The following ETV6 variants were observed in gnomAD, a reference collection of about 807,000 sequenced individuals.
The protein encoded by ETV6 is transcription factor ETV6.
A neutral mutation model predicts 51.1 loss-of-function variants in ETV6; 16 were observed. That is an observed-to-expected ratio of 0.31 (90% CI 0.21 to 0.48). The LOEUF is 0.48. ETV6 is among the 20% of genes least tolerant of loss of function. The pLI is 0.99. For missense variants in ETV6, 458 were observed against 594.8 expected, an observed-to-expected ratio of 0.77 and a Z score of 2.39; for synonymous variants, 240 against 224.1, an observed-to-expected ratio of 1.07 and a Z score of -0.64.
rs191562060 is a variant in ETV6 at position 11,770,005 on chromosome 12, C to T, written c.163+17426C>T. Among the ~76,000 whole-genome samples the T allele has an allele frequency of 8.4e-4, 128 of 152,164 alleles. 1 individual carries two copies. The highest frequency in any genetic ancestry group is 3.0e-3 in the African/African-American group (125 of 41,520). On this transcript the variant is annotated intron_variant, in intron 2 of 7. Transcript: ENST00000396373. Reference sequence around the variant, plus strand: ...AGTCACAGGCTGAACAGGCTGTCACCGGGGCAAGATGACTGACAGGTGGAT... The same window carrying T: ...AGTCACAGGCTGAACAGGCTGTCACTGGGGCAAGATGACTGACAGGTGGAT...
rs779460883 is a variant in ETV6, at chr12:11,886,880, C to T, written c.1253+854C>T. 5.4e-4 allele frequency among the ~76,000 whole-genome samples: 82 copies of T among 152,170 alleles called. 2 individuals are homozygous for T. The highest frequency in any genetic ancestry group is 4.1e-3 in the Admixed American group (63 of 15,280). On this transcript the variant is annotated intron_variant, in intron 7 of 7. Transcript: ENST00000396373. Reference sequence around the variant, plus strand: ...TTGGTAGAAGTGAGATCAACAAACACAACCTTGGGTGATGAGTTTTGGCAG... The same window carrying T: ...TTGGTAGAAGTGAGATCAACAAACATAACCTTGGGTGATGAGTTTTGGCAG...
intron 2 of ETV6, among the ~76,000 whole-genome samples, chr12:11,810,134 A>G (rs1247515981): frequency 2.6e-5 from 4 of 152,074 alleles, no homozygotes; most frequent in Non-Finnish European, 5.9e-5. Flanking sequence ...GGAGCATTTT[A>G]CTTGAGACCT....
At chr12:11,830,265 T>C (rs1198547314) in intron 2 of ETV6, among the ~76,000 whole-genome samples, 1 of 152,190 alleles carries the variant, frequency 6.6e-6, no homozygotes, top group Admixed American at 6.5e-5. Context: ...GGTTTATTAT[T>C]CCTCATTCCC....
At chr12:11,737,740 T>C (rs1865731145) in intron 1 of ETV6, among the ~76,000 whole-genome samples, 1 of 152,202 alleles carries the variant, frequency 6.6e-6, no homozygotes, top group African/African-American at 2.4e-5. Flanking sequence ...GAATAATGCA[T>C]CATGGTTTGT....
At chr12:11,759,454 G>A (rs1429618163) in intron 2 of ETV6, among the ~76,000 whole-genome samples, 1 of 152,108 alleles carries the variant, frequency 6.6e-6, no homozygotes, top group Non-Finnish European at 1.5e-5. Flanking sequence ...TGAGCCCAGA[G>A]GTGCCCAGCT....
chr12:11,795,445 G>A (rs898769596), intron 2 of ETV6, among the ~76,000 whole-genome samples: 9 of 152,216 alleles, frequency 5.9e-5, no homozygotes, highest in Non-Finnish European at 7.3e-5. Context: ...TGGAGGAGGG[G>A]CACCCTCCAA....
chr12:11,813,938 A>G (rs1945952226), intron 2 of ETV6, among the ~76,000 whole-genome samples: 1 of 152,258 alleles, frequency 6.6e-6, no homozygotes, highest in South Asian at 2.1e-4. Flanking sequence ...GGGAGTATCA[A>G]GCACTTCCTT....
chr12:11,867,029 T>G (rs533967986), intron 4 of ETV6, among the ~76,000 whole-genome samples: 1 of 152,324 alleles, frequency 6.6e-6, no homozygotes, highest in Admixed American at 6.5e-5. Context: ...AGTTAGGAGA[T>G]CAACAGAATC....
At chr12:11,794,410 T>C (rs1479896952) in intron 2 of ETV6, among the ~76,000 whole-genome samples, 1 of 152,202 alleles carries the variant, frequency 6.6e-6, no homozygotes, top group Non-Finnish European at 1.5e-5. Flanking sequence ...AAGCAGGTTT[T>C]CTAGTGCACG....
intron 3 of ETV6, among the ~76,000 whole-genome samples, chr12:11,852,881 T>C (rs1946578249): frequency 6.6e-6 from 1 of 152,220 alleles, no homozygotes; most frequent in Non-Finnish European, 1.5e-5. Flanking sequence ...TTTCTGATTT[T>C]CTGCCTTTTT....
intron 1 of ETV6, among the ~76,000 whole-genome samples, chr12:11,718,456 C>T (rs1368288496): frequency 6.6e-6 from 1 of 152,056 alleles, no homozygotes; most frequent in Non-Finnish European, 1.5e-5. Context: ...AAGATAGCCA[C>T]AGCAGAGCAT....
At chr12:11,674,615 TTG>T (rs5796457) in intron 1 of ETV6, among the ~76,000 whole-genome samples, 4,168 of 133,134 alleles carry the variant, frequency 0.031, 111 homozygotes, top group African/African-American at 0.079. Context: ...TAGGGGTTAT[TTG>T]TGTGTGTGTG....
At chr12:11,852,699 C>T (rs1443734084) in intron 3 of ETV6, among the ~76,000 whole-genome samples, 1 of 152,094 alleles carries the variant, frequency 6.6e-6, no homozygotes, top group African/African-American at 2.4e-5. Context: ...TGCCATTGTT[C>T]GGCAGCTACT....
At chr12:11,683,036 T>G (rs768313063) in intron 1 of ETV6, among the ~76,000 whole-genome samples, 6 of 152,228 alleles carry the variant, frequency 3.9e-5, no homozygotes, top group Non-Finnish European at 7.3e-5. Context: ...CTTGAGTAGA[T>G]TCAATAATTC....
chr12:11,878,279 T>C, intron 5 of ETV6, among the ~76,000 whole-genome samples: 1 of 152,112 alleles, frequency 6.6e-6, no homozygotes, highest in East Asian at 1.9e-4. Flanking sequence ...ACAATGTTTT[T>C]AAAAGATAAA....
rs769056278 is a variant in ETV6, at chr12:11,650,177, C to A, written c.33+17C>A. The A allele has an allele frequency of 1.2e-6, 2 of 1,611,000 alleles. No individual in the cohort carries two copies. The highest frequency in any genetic ancestry group is 1.7e-6 in the Non-Finnish European group (2 of 1,177,314). ...AGCATTAAGGTAAAAATCTTCTCCC[C>A]TCCTTCTACGTGGTGGAAACCCTGA... On this transcript the variant is annotated intron_variant, in intron 1 of 7. Coordinates refer to ENST00000396373, the MANE Select transcript of ETV6 (RefSeq NM_001987.5).
At chr12:11,672,427 A>G (rs1391661737) in intron 1 of ETV6, among the ~76,000 whole-genome samples, 6 of 152,304 alleles carry the variant, frequency 3.9e-5, no homozygotes, top group Non-Finnish European at 8.8e-5. Context: ...AGGAAAAATA[A>G]AACCACAAAT....
At chr12:11,836,122 A>C (rs1465381761) in intron 2 of ETV6, among the ~76,000 whole-genome samples, 2 of 152,236 alleles carry the variant, frequency 1.3e-5, no homozygotes, top group African/African-American at 4.8e-5. Flanking sequence ...GCTCTATCCC[A>C]TTTAGACACG....
At chr12:11,772,109 A>G (rs1223381649) in intron 2 of ETV6, among the ~76,000 whole-genome samples, 2 of 152,190 alleles carry the variant, frequency 1.3e-5, no homozygotes. Context: ...GATCATGTGT[A>G]TAAAAACTTT....
Sources: gnomAD v4.1 joint callset for allele counts (sites outside exome capture counted in the v4.1 genomes callset) on GRCh38, gnomAD v4.1.1 for gene constraint, MANE v1.5 for transcripts, NCBI Gene and HGNC (gene_info 2026-07-23, HGNC 2026-07-21) for gene names.